PDE8B: variants seen among roughly 807,000 people sequenced by gnomAD.
PDE8B encodes the protein high affinity cAMP-specific and IBMX-insensitive 3',5'-cyclic phosphodiesterase 8B.
Under a neutral mutation model 101.3 loss-of-function variants are expected in PDE8B, and 26 were observed. That is an observed-to-expected ratio of 0.26 (90% CI 0.19 to 0.36). PDE8B has a LOEUF of 0.36. Ranked by LOEUF, PDE8B falls within the 10% of genes least tolerant of loss-of-function variation. PDE8B has a pLI of 1.00. For synonymous variants in PDE8B, 424 were observed against 429.3 expected (o/e 0.99, Z 0.15); for missense variants, 810 against 1,163.1 (o/e 0.70, Z 4.42).
chr5:77,157,455 G>A, the PDE8B span, among the ~76,000 whole-genome samples: 161 of 152,248 alleles, frequency 1.1e-3, no homozygotes, highest in African/African-American at 3.8e-3. Flanking sequence ...AACTCATTTG[G>A]CCAGCTCTGC....
At chr5:77,371,872 A>C (rs1268002624) in intron 10 of PDE8B, among the ~76,000 whole-genome samples, 1 of 152,120 alleles carries the variant, frequency 6.6e-6, no homozygotes, top group Non-Finnish European at 1.5e-5. Flanking sequence ...TTCTAAGTTC[A>C]TTTTCTAAAT....
chr5:77,183,609 A>G, the PDE8B span, among the ~76,000 whole-genome samples: 1 of 152,228 alleles, frequency 6.6e-6, no homozygotes, highest in African/African-American at 2.4e-5. Context: ...ACCTCAGTGC[A>G]TAGAGATTTA....
intron 1 of PDE8B, among the ~76,000 whole-genome samples, chr5:77,273,284 A>G (rs1193963470): frequency 6.6e-6 from 1 of 152,206 alleles, no homozygotes; most frequent in Admixed American, 6.5e-5. Flanking sequence ...CTTCTATCCT[A>G]TCAATTCTAT....
At chr5:77,183,743 A>G in the PDE8B span, among the ~76,000 whole-genome samples, 5 of 152,206 alleles carry the variant, frequency 3.3e-5, no homozygotes, top group African/African-American at 1.2e-4. Flanking sequence ...TTAACTCTGT[A>G]AGCTTGAGAG....
At chr5:77,330,013 C>A (rs943745808) in intron 4 of PDE8B, among the ~76,000 whole-genome samples, 10 of 152,282 alleles carry the variant, frequency 6.6e-5, no homozygotes, top group African/African-American at 2.4e-4. Context: ...TTGTTTGATA[C>A]CCACCATGGG....
chr5:77,274,534 G>A (rs1763451739), intron 1 of PDE8B, among the ~76,000 whole-genome samples: 1 of 152,206 alleles, frequency 6.6e-6, no homozygotes, highest in South Asian at 2.1e-4. Flanking sequence ...GGCCAACCTG[G>A]CCTAGCTACA....
chr5:77,324,945 T>C (rs934472181), intron 2 of PDE8B, among the ~76,000 whole-genome samples: 1 of 152,338 alleles, frequency 6.6e-6, no homozygotes, highest in East Asian at 1.9e-4. Flanking sequence ...CCAGAGTGAA[T>C]GGGCACCTTC....
Position 77,400,260 on chromosome 5 carries a change from C to A in PDE8B, c.1180C>A (p.His394Asn). 1 of 1,602,184 alleles carries A rather than the reference C, an allele frequency of 6.2e-7. No individual in the cohort carries two copies. The highest frequency in any genetic ancestry group is 8.6e-7 in the Non-Finnish European group (1 of 1,169,178). ...TDNNKQIHKI[H>N]RDSGDNSQTE... Reference sequence around the variant, plus strand: ...TGAACGACTTTAGATTCACAAGATTCATCGTGATTCAGGAGACAATTCTCA... The same window carrying A: ...TGAACGACTTTAGATTCACAAGATTAATCGTGATTCAGGAGACAATTCTCA... Residue 394 changes from histidine (H) to asparagine (N), a missense_variant, in exon 11 of 22, where the codon CAT (histidine) becomes AAT (asparagine). His to Asn is a moderately conservative substitution (Grantham distance 68). Transcript: ENST00000264917.
chr5:77,331,304 G>C, intron 4 of PDE8B, 98 bp from the exon 5 acceptor site: 1 of 1,064,328 alleles, frequency 9.4e-7, no homozygotes, highest in Non-Finnish European at 1.5e-6. Context: ...CACTCTTGGA[G>C]CTAACGCTGT....
At chr5:77,148,657 G>GT in the PDE8B span, 1 of 152,098 alleles carries the variant, frequency 6.6e-6, no homozygotes, top group Non-Finnish European at 1.5e-5. Context: ...GCATATGCTT[G>GT]TTAGCCATTT....
chr5:77,157,582 T>C, the PDE8B span, among the ~76,000 whole-genome samples: 40 of 152,368 alleles, frequency 2.6e-4, no homozygotes, highest in Admixed American at 2.2e-3. Flanking sequence ...AGAGGCGTGA[T>C]GGATAAATGT....
chr5:77,194,909 C>T, the PDE8B span, among the ~76,000 whole-genome samples: 5 of 152,158 alleles, frequency 3.3e-5, no homozygotes, highest in Non-Finnish European at 7.3e-5. Flanking sequence ...CATTTAAGTA[C>T]AAGTTATTGT....
intron 13 of PDE8B, 150 bp from the exon 14 acceptor site, chr5:77,408,743 T>C: frequency 1.4e-6 from 1 of 706,018 alleles, no homozygotes; most frequent in South Asian, 1.5e-5. Flanking sequence ...AAAAGCATGC[T>C]TCAGGAAGAA....
chr5:77,315,062 T>G (rs987083489), intron 2 of PDE8B, among the ~76,000 whole-genome samples: 5 of 152,188 alleles, frequency 3.3e-5, no homozygotes, highest in African/African-American at 4.8e-5. Context: ...GTTCTTTATA[T>G]ATTCTTGTTA....
chr5:77,128,734 G>T, the PDE8B span, among the ~76,000 whole-genome samples: 2 of 152,192 alleles, frequency 1.3e-5, no homozygotes, highest in Admixed American at 6.5e-5. Context: ...GCTCATTCTG[G>T]AGCATTTACT....
chr5:77,165,992 G>GA, the PDE8B span, among the ~76,000 whole-genome samples: 3 of 117,802 alleles, frequency 2.5e-5, no homozygotes, highest in African/African-American at 8.8e-5. Context: ...AAAAAAAAAA[G>GA]AAAAAGAAAA....
chr5:77,342,186 G>T (rs1383929521), intron 6 of PDE8B, among the ~76,000 whole-genome samples: 1 of 152,130 alleles, frequency 6.6e-6, no homozygotes, highest in Non-Finnish European at 1.5e-5. Context: ...AGAGAACAAA[G>T]AAGTATTACT....
the PDE8B span, among the ~76,000 whole-genome samples, chr5:77,179,995 T>C: frequency 5.9e-5 from 9 of 152,168 alleles, no homozygotes; most frequent in Admixed American, 4.6e-4. Context: ...TGATTGTGAG[T>C]TGAGGGCTGC....
chr5:77,176,603 A>G, the PDE8B span, among the ~76,000 whole-genome samples: 1 of 152,170 alleles, frequency 6.6e-6, no homozygotes, highest in African/African-American at 2.4e-5. Flanking sequence ...GGGAGAGGAC[A>G]CGGGCCCACA....
Sources: gnomAD v4.1 joint callset for allele counts (sites outside exome capture counted in the v4.1 genomes callset) on GRCh38, gnomAD v4.1.1 for gene constraint, MANE v1.5 for transcripts, NCBI Gene and HGNC (gene_info 2026-07-23, HGNC 2026-07-21) for gene names.